Variants in CHEK2 observed in about 807,000 individuals in gnomAD.
The protein encoded by CHEK2 is serine/threonine-protein kinase Chk2.
CHEK2 carries 71 observed loss-of-function variants against 69.1 expected under a neutral mutation model. The observed-to-expected ratio is 1.03, with a 90% CI of 0.85 to 1.25. The LOEUF (loss-of-function observed/expected upper bound fraction) is 1.25. Among genes scored for constraint, CHEK2 ranks in the 50% most tolerant of loss-of-function variants. CHEK2 has a pLI of 0.00. For synonymous variants in CHEK2, 189 were observed against 226.9 expected, an observed-to-expected ratio of 0.83 and a Z score of 1.50; for missense variants, 664 against 649.6, an observed-to-expected ratio of 1.02 and a Z score of -0.24.
intron 4 of CHEK2, 64 bp downstream of exon 4, chr22:28,724,913 A>G (rs2053932098): frequency 1.9e-6 from 3 of 1,552,656 alleles, no homozygotes; most frequent in African/African-American, 2.7e-5. Flanking sequence ...AGGACAGGAC[A>G]AATTTTCCTC....
intron 2 of CHEK2, chr22:28,730,369 G>C (rs549244332): frequency 9.6e-6 from 5 of 520,826 alleles, no homozygotes; most frequent in African/African-American, 3.9e-5. Flanking sequence ...GAAAGGAAAA[G>C]GAAAAGGGAA....
chr22:28,727,273 A>T (rs1452224314), intron 2 of CHEK2, among the ~76,000 whole-genome samples: 1 of 152,052 alleles, frequency 6.6e-6, no homozygotes, highest in Non-Finnish European at 1.5e-5. Context: ...GATCTCCTGA[A>T]CTTGTGATCC....
intron 13 of CHEK2, among the ~76,000 whole-genome samples, chr22:28,693,333 G>A (rs1324183821): frequency 2.0e-5 from 3 of 152,140 alleles, no homozygotes; most frequent in Admixed American, 6.6e-5. Flanking sequence ...AAAAGTGCAG[G>A]TGACAGCCTT....
At chr22:28,705,219 TG>T in intron 7 of CHEK2, among the ~76,000 whole-genome samples, 1 of 151,864 alleles carries the variant, frequency 6.6e-6, no homozygotes, top group East Asian at 1.9e-4. Flanking sequence ...GTTGGGATTA[TG>T]AGTGCCTGCC....
At chr22:28,699,815 A>G in intron 9 of CHEK2, 23 bp downstream of exon 9, 1 of 1,543,492 alleles carries the variant, frequency 6.5e-7, no homozygotes, top group Non-Finnish European at 9.0e-7. Flanking sequence ...GCAGCTGTCA[A>G]AAGAATTGAG....
At chr22:28,710,636 AAG>A (rs2053360011) in intron 6 of CHEK2, among the ~76,000 whole-genome samples, 3 of 152,166 alleles carry the variant, frequency 2.0e-5, no homozygotes, top group Non-Finnish European at 2.9e-5. Flanking sequence ...CAGGGTACTA[AAG>A]TTGTTCTGTT....
intron 8 of CHEK2, among the ~76,000 whole-genome samples, chr22:28,702,378 ACAG>A (rs906114743): frequency 6.6e-6 from 1 of 150,796 alleles, no homozygotes; most frequent in African/African-American, 2.4e-5. Context: ...AGCTGGGACT[ACAG>A]GAGCCCACCA....
intron 7 of CHEK2, among the ~76,000 whole-genome samples, chr22:28,705,570 T>C (rs1265587741): frequency 6.6e-6 from 1 of 152,168 alleles, no homozygotes; most frequent in Non-Finnish European, 1.5e-5. Flanking sequence ...GTATCATTTT[T>C]ATAAGATTCA....
chr22:28,729,254 AC>A, intron 2 of CHEK2: 1 of 268,950 alleles, frequency 3.7e-6, no homozygotes, highest in South Asian at 3.0e-5. Context: ...ACAAGAATTA[AC>A]CCAGGACGCC....
intron 1 of CHEK2, among the ~76,000 whole-genome samples, chr22:28,739,343 G>A (rs931743023): frequency 7.3e-5 from 11 of 151,672 alleles, no homozygotes; most frequent in African/African-American, 2.7e-4. Flanking sequence ...ATGGCCAACA[G>A]GTATATTAAA....
chr22:28,728,552 T>A (rs1262332881), intron 2 of CHEK2, among the ~76,000 whole-genome samples: 1 of 151,560 alleles, frequency 6.6e-6, no homozygotes, highest in Non-Finnish European at 1.5e-5. Flanking sequence ...CAAAAAAAAA[T>A]TTAGCCAGGT....
intron 2 of CHEK2, among the ~76,000 whole-genome samples, chr22:28,732,408 G>C (rs1190514797): frequency 6.6e-6 from 1 of 151,912 alleles, no homozygotes; most frequent in Non-Finnish European, 1.5e-5. Flanking sequence ...ACCACGCCTG[G>C]CCTAATTTTT....
At chr22:28,721,629 T>C (rs1655309951) in intron 4 of CHEK2, 1 of 462,260 alleles carries the variant, frequency 2.2e-6, no homozygotes, top group Admixed American at 2.5e-5. Context: ...TTAAGTATTT[T>C]CTCTATTAAA....
chr22:28,692,889 G>C (rs976840491), intron 13 of CHEK2, among the ~76,000 whole-genome samples: 1 of 152,172 alleles, frequency 6.6e-6, no homozygotes, highest in African/African-American at 2.4e-5. Context: ...AGTTTCATAA[G>C]AGGATCTTCG....
In CHEK2 at chr22:28,712,015, C is replaced by A. The variant is rs778212685; in HGVS notation, c.686G>T (p.Gly229Val). 2 of 1,608,222 alleles carry A rather than the reference C, an allele frequency of 1.2e-6. No homozygotes were observed. The highest frequency in any genetic ancestry group is 1.7e-6 in the Non-Finnish European group (2 of 1,175,620). The change falls in exon 6 of 15, where the codon GGT (glycine) becomes GTT (valine). Residue 229 changes from glycine (G) to valine (V), a missense_variant and splice_region_variant. Gly to Val is a moderately radical substitution (Grantham distance 109). Transcript: ENST00000404276. ...EYIMSKTLGS[G>V]ACGEVKLAFE... The stretch of plus-strand genomic sequence containing the variant: ...AGCCAGCTTTACCTCTCCACAGGCA[C>A]CACTAGAGGGAAAAACAAAGATAGT...
chr22:28,692,471 T>G (rs77047394), intron 13 of CHEK2, among the ~76,000 whole-genome samples: 6 of 150,684 alleles, frequency 4.0e-5, no homozygotes, highest in South Asian at 4.2e-4. Flanking sequence ...ATATGTCTTT[T>G]TTTGTTTGTT....
chr22:28,696,612 G>A (rs912403872), intron 10 of CHEK2, among the ~76,000 whole-genome samples: 5 of 152,074 alleles, frequency 3.3e-5, no homozygotes, highest in Non-Finnish European at 7.4e-5. Context: ...GCCCACCTCG[G>A]CCTCCCAAAG....
Position 28,719,465 on chromosome 22 carries a change from T to G in CHEK2, c.613A>C (p.Thr205Pro). The G allele has an allele frequency of 6.3e-7, 1 of 1,593,588 alleles. No individual in the cohort carries two copies. The highest frequency in any genetic ancestry group is 8.6e-7 in the Non-Finnish European group (1 of 1,167,366). ...GGATAAACTGACTGATCATCTACAG[T>G]CAGATCAAAAAAGACAAAAACTAAG... is the stretch of plus-strand genomic sequence containing the variant. ...RNKVFVFFDL[T>P]VDDQSVYPKA... The change falls in exon 5 of 15, where the codon ACT becomes CCT. Residue 205 changes from threonine to proline, a missense_variant. By Grantham distance (38) the Thr-to-Pro change is conservative. Coordinates refer to ENST00000404276, the MANE Select transcript of CHEK2 (RefSeq NM_007194.4).
At chr22:28,721,483 C>T in intron 4 of CHEK2, 2 of 344,236 alleles carry the variant, frequency 5.8e-6, no homozygotes, top group South Asian at 4.8e-5. Context: ...GACAGAGTTT[C>T]ACCACGTTGA....
Sources: gnomAD v4.1 joint callset for allele counts (sites outside exome capture counted in the v4.1 genomes callset) on GRCh38, gnomAD v4.1.1 for gene constraint, MANE v1.5 for transcripts, NCBI Gene and HGNC (gene_info 2026-07-23, HGNC 2026-07-21) for gene names.